SLC36A1: variants seen among roughly 807,000 people sequenced by gnomAD.
The protein encoded by SLC36A1 is proton-coupled amino acid transporter 1.
In SLC36A1, 30 loss-of-function variants were observed where a neutral mutation model predicts 47.5. The observed-to-expected ratio is 0.63, with a 90% CI of 0.47 to 0.86. The LOEUF (loss-of-function observed/expected upper bound fraction) is 0.86, where lower values mean the gene tolerates loss of function less well. Ranked by LOEUF, SLC36A1 falls within the 40% of genes least tolerant of loss-of-function variation. SLC36A1 has a pLI of 0.00. For synonymous variants in SLC36A1, 255 were observed against 249.7 expected (o/e 1.02, Z -0.20); for missense variants, 517 against 606.0 (o/e 0.85, Z 1.54).
the SLC36A1 span, among the ~76,000 whole-genome samples, chr5:151,424,245 C>A: frequency 6.6e-6 from 1 of 152,300 alleles, no homozygotes; most frequent in African/African-American, 2.4e-5. Context: ...GAGACTCTCC[C>A]AGTCACCTCT....
intron 5 of SLC36A1, among the ~76,000 whole-genome samples, chr5:151,465,429 G>A (rs988735322): frequency 1.3e-5 from 2 of 152,104 alleles, no homozygotes; most frequent in African/African-American, 2.4e-5. Context: ...CAGCTTTGGC[G>A]GTCTATGACC....
chr5:151,429,204 T>TAA, the SLC36A1 span, among the ~76,000 whole-genome samples: 10 of 151,724 alleles, frequency 6.6e-5, no homozygotes, highest in African/African-American at 2.2e-4. Flanking sequence ...TTTTATTTTT[T>TAA]AAAATTTTTT....
In SLC36A1 at chr5:151,488,062, C is replaced by T. The variant is rs1255171352; in HGVS notation, c.1239C>T (p.Leu413=). The change falls in exon 11 of 11, where the codon CTC becomes CTT. Residue 413 remains leucine (L), a synonymous_variant. Transcript: ENST00000243389. ...VGSVSSSALA[L]IIPPLLEVTT... Reference sequence around the variant, plus strand: ...CCGTGAGCAGCAGCGCCCTGGCCCTCATCATCCCACCGCTCCTGGAGGTCA... The same window carrying T: ...CCGTGAGCAGCAGCGCCCTGGCCCTTATCATCCCACCGCTCCTGGAGGTCA... The T allele has an allele frequency of 1.2e-6, 2 of 1,614,044 alleles. No individual in the cohort carries two copies. The highest frequency in any genetic ancestry group is 1.3e-5 in the African/African-American group (1 of 74,924).
intron 10 of SLC36A1, among the ~76,000 whole-genome samples, chr5:151,480,900 C>T (rs1026418879): frequency 2.1e-4 from 32 of 152,016 alleles, no homozygotes; most frequent in Non-Finnish European, 3.5e-4. Context: ...GTGCTCCCTC[C>T]GGAAAAAGTA....
At chr5:151,537,211 GGAAGAAGAA>G in the SLC36A1 span, among the ~76,000 whole-genome samples, 3 of 135,988 alleles carry the variant, frequency 2.2e-5, no homozygotes, top group South Asian at 5.4e-4. Context: ...AAGAAGAAGA[GGAAGAAGAA>G]GAGGAGGAGG....
At chr5:151,550,710 A>G in the SLC36A1 span, 1 of 1,614,016 alleles carries the variant, frequency 6.2e-7, no homozygotes, top group African/African-American at 1.3e-5. Flanking sequence ...CTTGGCTGCC[A>G]TGTATGGTAT....
At chr5:151,429,697 C>A in the SLC36A1 span, among the ~76,000 whole-genome samples, 3 of 152,108 alleles carry the variant, frequency 2.0e-5, no homozygotes, top group African/African-American at 4.8e-5. Flanking sequence ...GGACTGGAAT[C>A]TGAGTGTTTC....
chr5:151,390,940 T>C, the SLC36A1 span, among the ~76,000 whole-genome samples: 2 of 152,236 alleles, frequency 1.3e-5, no homozygotes, highest in African/African-American at 2.4e-5. Flanking sequence ...TCCAATTCTG[T>C]GAAGAAAGTC....
chr5:151,427,859 G>T, the SLC36A1 span, among the ~76,000 whole-genome samples: 2 of 152,158 alleles, frequency 1.3e-5, no homozygotes, highest in African/African-American at 4.8e-5. Flanking sequence ...CATTATTTTG[G>T]TGTGCGTTCC....
the SLC36A1 span, among the ~76,000 whole-genome samples, chr5:151,524,637 G>A: frequency 6.6e-6 from 1 of 152,166 alleles, no homozygotes; most frequent in South Asian, 2.1e-4. Flanking sequence ...CACTCTCAAA[G>A]ATCACAGTTT....
upstream of SLC36A1, among the ~76,000 whole-genome samples, chr5:151,446,389 G>A (rs1752920201): frequency 1.3e-5 from 2 of 152,052 alleles, no homozygotes; most frequent in African/African-American, 2.4e-5. Context: ...AATTAGTCGC[G>A]CGTGGTGGCA....
the SLC36A1 span, among the ~76,000 whole-genome samples, chr5:151,537,366 G>T: frequency 1.5e-5 from 2 of 133,338 alleles, no homozygotes; most frequent in Non-Finnish European, 3.1e-5. Flanking sequence ...AAGGAAGGAA[G>T]GAAAGAAACA....
the SLC36A1 span, chr5:151,380,646 C>T: frequency 1.7e-4 from 92 of 552,824 alleles, 1 homozygote; most frequent in South Asian, 1.0e-3. Context: ...TGGCTCACAT[C>T]GTCAACCCAG....
chr5:151,522,723 GAGA>G, the SLC36A1 span, among the ~76,000 whole-genome samples: 7 of 152,224 alleles, frequency 4.6e-5, no homozygotes, highest in African/African-American at 7.2e-5. Context: ...CCTGAGGGAT[GAGA>G]AGAAGAGGCG....
Position 151,490,763 on chromosome 5 carries a change from T to C in SLC36A1, c.*2509T>C, listed in dbSNP as rs1477044297. On this transcript the variant is annotated 3_prime_UTR_variant, in exon 11 of 11. Transcript: ENST00000243389. ...GGCAGCTCCAGCCAGAGGACCTTCC[T>C]GGCTATGCAGGTGCACAGCTCTTAG... is the stretch of plus-strand genomic sequence containing the variant. The C allele has an allele frequency of 6.6e-6, 1 of 152,248 alleles. No homozygotes were observed. The highest frequency in any genetic ancestry group is 6.5e-5 in the Admixed American group (1 of 15,280). 9.4% of individuals were successfully genotyped at this position (152,248 alleles called of 1,614,324 possible).
At chr5:151,375,609 G>A in the SLC36A1 span, among the ~76,000 whole-genome samples, 262 of 152,156 alleles carry the variant, frequency 1.7e-3, 7 homozygotes, top group East Asian at 0.047. Context: ...GAATGAGCAT[G>A]GAATTTTAAT....
chr5:151,536,362 A>G, the SLC36A1 span, among the ~76,000 whole-genome samples: 430 of 152,142 alleles, frequency 2.8e-3, 2 homozygotes, highest in African/African-American at 9.2e-3. Flanking sequence ...TCCCCTATCT[A>G]CCCAGACAGC....
chr5:151,532,468 G>A, the SLC36A1 span, among the ~76,000 whole-genome samples: 1 of 152,084 alleles, frequency 6.6e-6, no homozygotes, highest in Non-Finnish European at 1.5e-5. Context: ...CAAGGCTGTA[G>A]TCTAGTTACC....
chr5:151,556,067 A>G, the SLC36A1 span, among the ~76,000 whole-genome samples: 1 of 152,148 alleles, frequency 6.6e-6, no homozygotes, highest in Non-Finnish European at 1.5e-5. Context: ...CGGTAAGTAC[A>G]TAGCACACAT....
Sources: gnomAD v4.1 joint callset for allele counts (sites outside exome capture counted in the v4.1 genomes callset) on GRCh38, gnomAD v4.1.1 for gene constraint, MANE v1.5 for transcripts, NCBI Gene and HGNC (gene_info 2026-07-23, HGNC 2026-07-21) for gene names.